Variants in FOXI2 observed in about 807,000 individuals in gnomAD.
FOXI2 encodes forkhead box I2, also known as forkhead box protein I2.
Under a neutral mutation model 14.3 loss-of-function variants are expected in FOXI2, and 17 were observed. The ratio of observed to expected loss-of-function variants is 1.19; its 90% CI spans 0.81 to 1.78. The LOEUF is 1.78. Among genes scored for constraint, FOXI2 ranks in the 40% most tolerant of loss-of-function variants. The probability of loss-of-function intolerance (pLI) is 0.00; values close to 1 mark genes in which losing one functional copy is unlikely to be tolerated. For missense variants in FOXI2, 541 were observed against 460.0 expected (o/e 1.18, Z -1.61); for synonymous variants, 240 against 218.8 (o/e 1.10, Z -0.85).
intron 1 of FOXI2, among the ~76,000 whole-genome samples, 182 bp from the exon 2 acceptor site, chr10:127,738,338 C>T (rs1846443809): frequency 6.6e-6 from 1 of 152,114 alleles, no homozygotes. Flanking sequence ...TCACTTTCTT[C>T]CCAGTCCTGC....
rs1380053523 is a variant in FOXI2, at chr10:127,739,898, CT to C, written c.*934del. 88 of 49,790 alleles carry C rather than the reference CT, an allele frequency of 1.8e-3. 8 individuals are homozygous for C. In the East Asian group the frequency reaches 0.039, roughly 22 times the overall value. The allele number at this position is 49,790 out of a possible 1,614,324, so 3.1% of individuals were successfully genotyped here. Reference sequence around the variant, plus strand: ...ACTCACACCCACACCCACACCCACACTCACACACACTCACACCCACACCCAC... The same window carrying C: ...ACTCACACCCACACCCACACCCACACCACACACACTCACACCCACACCCAC... On this transcript the variant is annotated 3_prime_UTR_variant, in exon 2 of 2. Coordinates refer to ENST00000388920, the MANE Select transcript of FOXI2 (RefSeq NM_207426.3).
At position 127,740,119 on chromosome 10, in the gene FOXI2, T is replaced by TCACACCA. The variant is rs1564749574; in HGVS notation, c.*1160_*1161insACACACC. The TCACACCA allele has an allele frequency of 3.7e-5, 1 of 26,970 alleles. No individual in the cohort carries two copies. Among genetic ancestry groups the TCACACCA allele is most frequent in the Non-Finnish European group, 7.8e-5 (1 of 12,892 alleles). The allele number at this position is 26,970 out of a possible 1,614,324, so 1.7% of individuals were successfully genotyped here. On this transcript the variant is annotated 3_prime_UTR_variant, in exon 2 of 2. Transcript: ENST00000388920. ...ACTCACACCCACACTCACACCACACTCACACCCACACACACCCACACTCAT... is the reference window on the plus strand; with the variant it reads ...ACTCACACCCACACTCACACCACACTCACACCACACACCCACACACACCCACACTCAT...
Position 127,737,745 on chromosome 10 carries a change from G to A in FOXI2, c.472G>A (p.Asp158Asn). 4 of 1,612,854 alleles carry A rather than the reference G, an allele frequency of 2.5e-6. No homozygotes were observed. The highest frequency in any genetic ancestry group is 3.4e-6 in the Non-Finnish European group (4 of 1,179,468). The change falls in exon 1 of 2, where the codon GAC (aspartate) becomes AAC (asparagine). Residue 158 changes from aspartate to asparagine, a missense_variant. Physicochemically the swap from Asp to Asn is conservative, Grantham distance 23 (BLOSUM62 1). Coordinates refer to ENST00000388920, the MANE Select transcript of FOXI2 (RefSeq NM_207426.3). ...NSIRHNLSLN[D>N]CFKKVPRDED... Reference sequence around the variant, plus strand: ...CATCCGCCACAACCTGTCGCTCAACGACTGCTTCAAGAAGGTGCCCCGCGA... The same window carrying A: ...CATCCGCCACAACCTGTCGCTCAACAACTGCTTCAAGAAGGTGCCCCGCGA...
chr10:127,739,090 CGGGG>C lies in FOXI2; in HGVS notation c.*127_*130del. 1.1e-6 allele frequency: 1 copy of C among 875,996 alleles called. No homozygotes were observed. The highest frequency in any genetic ancestry group is 1.7e-6 in the Non-Finnish European group (1 of 590,156). 54.3% of individuals were successfully genotyped at this position (875,996 alleles called of 1,614,324 possible). A position where few individuals can be genotyped will look rare whatever the true frequency, so the allele number is the denominator to read the frequency against. ...GGTGCCCTGGGAGGAAGCGCAGAGC[CGGGG>C]GCGGCTCGGCCAGCAGGGAGCTGGG... On this transcript the variant is annotated 3_prime_UTR_variant, in exon 2 of 2. Transcript: ENST00000388920.
intron 1 of FOXI2, 105 bp from the exon 2 acceptor site, chr10:127,738,415 G>GT (rs1404536587): frequency 7.9e-6 from 7 of 883,626 alleles, no homozygotes; most frequent in Non-Finnish European, 1.0e-5. Context: ...CAGACCCTCT[G>GT]TAAGGGCCAG....
rs1388383728 is a variant in FOXI2, at chr10:127,739,903, A to ACT, written c.*939_*940insTC. 6.2e-3 allele frequency: 126 copies of ACT among 20,454 alleles called. 4 individuals carry two copies. Among genetic ancestry groups the ACT allele is most frequent in the Middle Eastern group, 0.033 (1 of 30 alleles). 1.3% of individuals were successfully genotyped at this position (20,454 alleles called of 1,614,324 possible). On this transcript the variant is annotated 3_prime_UTR_variant, in exon 2 of 2. Coordinates refer to ENST00000388920, the MANE Select transcript of FOXI2 (RefSeq NM_207426.3). Reference sequence around the variant, plus strand: ...CACCCACACCCACACCCACACTCACACACACTCACACCCACACCCACACTC... The same window carrying ACT: ...CACCCACACCCACACCCACACTCACACTCACACTCACACCCACACCCACACTC...
rs1013909653 is a variant in FOXI2, at chr10:127,740,598, A to T, written c.*1633A>T. On this transcript the variant is annotated 3_prime_UTR_variant, in exon 2 of 2. Transcript: ENST00000388920. The stretch of plus-strand genomic sequence containing the variant: ...GGGGAGGGTGGGAGGGGTCCTTCCC[A>T]GGAAGAGAGTGGAGACAGGTTACTG... The T allele has an allele frequency of 1.3e-5, 2 of 151,988 alleles. No individual in the cohort carries two copies. The highest frequency in any genetic ancestry group is 6.6e-5 in the Admixed American group (1 of 15,230). 9.4% of individuals were successfully genotyped at this position (151,988 alleles called of 1,614,324 possible).
rs921718115 is a variant in FOXI2 at position 127,737,532 on chromosome 10, G to A, written c.259G>A (p.Ala87Thr). 4.1e-6 allele frequency: 6 copies of A among 1,470,912 alleles called. No individual in the cohort carries two copies. The highest frequency in any genetic ancestry group is 5.4e-6 in the Non-Finnish European group (6 of 1,114,106). 91.1% of individuals were successfully genotyped at this position (1,470,912 alleles called of 1,614,324 possible). A position where few individuals can be genotyped will look rare whatever the true frequency, so the allele number is the denominator to read the frequency against. ...APGGLAGADLAWLSLSGQQEL... is the reference protein window; with the variant it reads ...APGGLAGADLTWLSLSGQQEL... ...GGGCGGCCTGGCGGGCGCCGACCTC[G>A]CCTGGCTGAGCCTCTCCGGCCAGCA... The change falls in exon 1 of 2, where the codon GCC (alanine) becomes ACC (threonine). Residue 87 changes from alanine (A) to threonine (T), a missense_variant. By Grantham distance (58) the Ala-to-Thr change is moderately conservative. Transcript: ENST00000388920.
Position 127,737,604 on chromosome 10 carries a change from A to G in FOXI2, c.331A>G (p.Ile111Val). ...GCCGCCCTACTCCTACTCGGCGCTC[A>G]TCGCCATGGCCATCCAGAGCGCGCC... is the stretch of plus-strand genomic sequence containing the variant. ...VRPPYSYSAL[I>V]AMAIQSAPLR... The change falls in exon 1 of 2, where the codon ATC (isoleucine) becomes GTC (valine). Residue 111 changes from isoleucine to valine, a missense_variant. Ile to Val is a conservative substitution (Grantham distance 29). Transcript: ENST00000388920. 1 of 1,557,138 alleles carries G rather than the reference A, an allele frequency of 6.4e-7. No individual in the cohort carries two copies. Among genetic ancestry groups the G allele is most frequent in the Non-Finnish European group, 8.7e-7 (1 of 1,150,838 alleles).
Position 127,737,361 on chromosome 10 carries a change from G to C in FOXI2, c.88G>C (p.Gly30Arg). 1.4e-6 allele frequency: 2 copies of C among 1,412,622 alleles called. No individual in the cohort carries two copies. The highest frequency in any genetic ancestry group is 3.0e-5 in the South Asian group (2 of 65,836). The allele number at this position is 1,412,622 out of a possible 1,614,324, so 87.5% of individuals were successfully genotyped here. A position where few individuals can be genotyped will look rare whatever the true frequency, so the allele number is the denominator to read the frequency against. The stretch of plus-strand genomic sequence containing the variant: ...CGCGCACCCCCCGGGCTATGAGCCA[G>C]GGGATCTGGGCGCGGTGGGCGGGGG... ...ATAHPPGYEPGDLGAVGGGPL... is the reference protein window; with the variant it reads ...ATAHPPGYEPRDLGAVGGGPL... The change falls in exon 1 of 2, where the codon GGG (glycine) becomes CGG (arginine). Residue 30 changes from glycine (G) to arginine (R), a missense_variant. Gly to Arg is a moderately radical substitution (Grantham distance 125). Transcript: ENST00000388920.
In FOXI2 at chr10:127,739,861, A is replaced by ACC. The variant is rs1846480258; in HGVS notation, c.*897_*898insCC. ...CACTCACACTCACACTCACACCCAC[A>ACC]CTCACACCCACACTCACACCCACAC... On this transcript the variant is annotated 3_prime_UTR_variant, in exon 2 of 2. Transcript: ENST00000388920. 1.3e-5 allele frequency: 1 copy of ACC among 78,868 alleles called. No homozygotes were observed. Among genetic ancestry groups the ACC allele is most frequent in the Non-Finnish European group, 2.5e-5 (1 of 40,518 alleles). 4.9% of individuals were successfully genotyped at this position (78,868 alleles called of 1,614,324 possible).
chr10:127,738,684 G>T lies in FOXI2; in HGVS notation c.676G>T (p.Ala226Ser), dbSNP rs769032570. The T allele has an allele frequency of 1.3e-5, 20 of 1,595,532 alleles. No individual in the cohort carries two copies. In the East Asian group the frequency reaches 4.3e-4, roughly 35 times the overall value. ...GCCAGCGCTGGAGCCCCCGAGCGCG[G>T]CTTGCCTGGACCTGCAGGCCTCGCC... Reference protein sequence around the residue: ...EAPALEPPSAACLDLQASPSP... With the variant: ...EAPALEPPSASCLDLQASPSP... The change falls in exon 2 of 2, where the codon GCT (alanine) becomes TCT (serine). Residue 226 changes from alanine to serine, a missense_variant. Physicochemically the swap from Ala to Ser is moderately conservative, Grantham distance 99 (BLOSUM62 1). Coordinates refer to ENST00000388920, the MANE Select transcript of FOXI2 (RefSeq NM_207426.3).
Position 127,737,539 on chromosome 10 carries a change from T to G in FOXI2, c.266T>G (p.Leu89Arg). The part of the protein sequence containing the change: ...GGLAGADLAW[L>R]SLSGQQELLR... ...CTGGCGGGCGCCGACCTCGCCTGGC[T>G]GAGCCTCTCCGGCCAGCAGGAGCTG... Residue 89 changes from leucine to arginine, a missense_variant, in exon 1 of 2, where the codon CTG becomes CGG. Leu to Arg is a moderately radical substitution (Grantham distance 102). Transcript: ENST00000388920. The G allele has an allele frequency of 6.6e-7, 1 of 1,511,910 alleles. No individual in the cohort carries two copies. The highest frequency in any genetic ancestry group is 8.8e-7 in the Non-Finnish European group (1 of 1,130,704). The allele number at this position is 1,511,910 out of a possible 1,614,324, so 93.7% of individuals were successfully genotyped here.
chr10:127,738,659 G>T lies in FOXI2; in HGVS notation c.651G>T (p.Ala217=). Residue 217 remains alanine, a synonymous_variant, in exon 2 of 2, where the codon GCG becomes GCT. Coordinates refer to ENST00000388920, the MANE Select transcript of FOXI2 (RefSeq NM_207426.3). ...SGARSVGGAE[A]PALEPPSAAC... ...CCAGGAGCGTGGGAGGGGCCGAGGC[G>T]CCAGCGCTGGAGCCCCCGAGCGCGG... 6.3e-7 allele frequency: 1 copy of T among 1,595,934 alleles called. No individual in the cohort carries two copies. The highest frequency in any genetic ancestry group is 8.5e-7 in the Non-Finnish European group (1 of 1,171,228).
chr10:127,738,637 G>A lies in FOXI2; in HGVS notation c.629G>A (p.Arg210Lys). ...AGCGCGGCCGTGCGCTCGGGAGCCA[G>A]GAGCGTGGGAGGGGCCGAGGCGCCA... ...EASAAVRSGA[R>K]SVGGAEAPAL... Residue 210 changes from arginine to lysine, a missense_variant, in exon 2 of 2, where the codon AGG becomes AAG. Arg to Lys is a conservative substitution (Grantham distance 26, BLOSUM62 2). Transcript: ENST00000388920. 6.2e-7 allele frequency: 1 copy of A among 1,601,816 alleles called. No homozygotes were observed. The highest frequency in any genetic ancestry group is 8.5e-7 in the Non-Finnish European group (1 of 1,174,020).
At chr10:127,738,431 G>A (rs1846444767) in intron 1 of FOXI2, 89 bp from the exon 2 acceptor site, 4 of 1,022,186 alleles carry the variant, frequency 3.9e-6, no homozygotes, top group Non-Finnish European at 4.3e-6. Context: ...GCCAGCAGGG[G>A]ATCTTTCTGA....
In FOXI2 at chr10:127,739,031, G is replaced by A; in HGVS notation, c.*66G>A. 1 of 1,393,218 alleles carries A rather than the reference G, an allele frequency of 7.2e-7. No homozygotes were observed. The highest frequency in any genetic ancestry group is 9.7e-7 in the Non-Finnish European group (1 of 1,025,894). 86.3% of individuals were successfully genotyped at this position (1,393,218 alleles called of 1,614,324 possible). A position where few individuals can be genotyped will look rare whatever the true frequency, so the allele number is the denominator to read the frequency against. ...TGAGCTCAGGCCTCCGGTTTCCCCT[G>A]GTGACAGCCCCACGTGTTGGCGTTG... On this transcript the variant is annotated 3_prime_UTR_variant, in exon 2 of 2. Transcript: ENST00000388920.
chr10:127,738,747 G>A lies in FOXI2; in HGVS notation c.739G>A (p.Gly247Ser), dbSNP rs1216979651. The A allele has an allele frequency of 1.2e-6, 2 of 1,603,574 alleles. No homozygotes were observed. Among genetic ancestry groups the A allele is most frequent in the East Asian group, 2.3e-5 (1 of 44,338 alleles). ...ACCCGAGGCCGCCACCTGCTTCTCC[G>A]GTTTCGCTTCTGCTATGAGCGCTCT... is the stretch of plus-strand genomic sequence containing the variant. The part of the protein sequence containing the change: ...SAPEAATCFS[G>S]FASAMSALAG... The change falls in exon 2 of 2, where the codon GGT becomes AGT. Residue 247 changes from glycine to serine, a missense_variant. Coordinates refer to ENST00000388920, the MANE Select transcript of FOXI2 (RefSeq NM_207426.3).
rs1362029333 is a variant in FOXI2 at position 127,737,738 on chromosome 10, G to A, written c.465G>A (p.Ser155=). 6.2e-7 allele frequency: 1 copy of A among 1,612,798 alleles called. No homozygotes were observed. Among genetic ancestry groups the A allele is most frequent in the Admixed American group, 1.7e-5 (1 of 59,842 alleles). ...AGAACTCCATCCGCCACAACCTGTCGCTCAACGACTGCTTCAAGAAGGTGC... is the reference window on the plus strand; with the variant it reads ...AGAACTCCATCCGCCACAACCTGTCACTCAACGACTGCTTCAAGAAGGTGC... ...GWQNSIRHNL[S]LNDCFKKVPR... Residue 155 remains serine (S), a synonymous_variant, in exon 1 of 2, where the codon TCG becomes TCA. Coordinates refer to ENST00000388920, the MANE Select transcript of FOXI2 (RefSeq NM_207426.3).
Sources: allele counts gnomAD v4.1 joint callset (sites outside exome capture counted in the v4.1 genomes callset), GRCh38; gene constraint gnomAD v4.1.1; transcripts MANE v1.5; gene names NCBI Gene and HGNC (gene_info 2026-07-23, HGNC 2026-07-21).